Variants in TRAPPC9 observed in about 807,000 individuals in gnomAD.
The protein encoded by TRAPPC9 is IKK2 binding protein.
TRAPPC9 carries 83 observed loss-of-function variants against 124.0 expected under a neutral mutation model. The observed-to-expected ratio is 0.67, with a 90% CI of 0.56 to 0.80. The LOEUF (loss-of-function observed/expected upper bound fraction) is 0.80. TRAPPC9 is among the 30% of genes least tolerant of loss of function. The pLI is 0.00. For synonymous variants in TRAPPC9, 638 were observed against 617.5 expected (o/e 1.03, Z -0.49); for missense variants, 1,302 against 1,508.3 (o/e 0.86, Z 2.27).
chr8:139,772,367 C>T (rs1252033260), intron 21 of TRAPPC9, among the ~76,000 whole-genome samples: 1 of 152,142 alleles, frequency 6.6e-6, no homozygotes, highest in African/African-American at 2.4e-5. Context: ...AGAGTATTAT[C>T]CCATTTTACA....
At chr8:140,250,028 T>C (rs2064094354) in intron 16 of TRAPPC9, among the ~76,000 whole-genome samples, 1 of 152,222 alleles carries the variant, frequency 6.6e-6, no homozygotes, top group South Asian at 2.1e-4. Context: ...ATTATAGTAT[T>C]CAATTTCTTC....
intron 17 of TRAPPC9, among the ~76,000 whole-genome samples, chr8:140,159,807 T>C (rs2061713883): frequency 6.6e-6 from 1 of 152,218 alleles, no homozygotes; most frequent in Non-Finnish European, 1.5e-5. Flanking sequence ...ACAGATGAAC[T>C]GCAATGTTCC....
chr8:139,833,902 G>A (rs370628496), intron 21 of TRAPPC9, among the ~76,000 whole-genome samples: 1 of 152,214 alleles, frequency 6.6e-6, no homozygotes, highest in Non-Finnish European at 1.5e-5. Context: ...TGAAAGTCAG[G>A]AGGGATCAGA....
chr8:140,350,785 C>A (rs529207753), intron 9 of TRAPPC9, among the ~76,000 whole-genome samples: 1 of 151,918 alleles, frequency 6.6e-6, no homozygotes, highest in African/African-American at 2.4e-5. Flanking sequence ...CGGGAGCAGA[C>A]GAGAAAGTAA....
intron 17 of TRAPPC9, among the ~76,000 whole-genome samples, chr8:140,123,623 T>C (rs190754096): frequency 2.0e-5 from 3 of 152,364 alleles, no homozygotes; most frequent in Admixed American, 2.0e-4. Flanking sequence ...TATTCCATCA[T>C]GCCCCATGTA....
chr8:139,984,450 G>T lies in TRAPPC9; in HGVS notation c.2810+4276C>A, dbSNP rs1428219712. ...TTCTTTAGGTTTAGCACAGCCTGGGGGTGGGGGGCCGGGGGGTGGTGGCAG... is the reference window on the plus strand; with the variant it reads ...TTCTTTAGGTTTAGCACAGCCTGGGTGTGGGGGGCCGGGGGGTGGTGGCAG... On this transcript the variant is annotated intron_variant, in intron 19 of 22. Transcript: ENST00000438773. The surrounding 1 kb of genome is among the most constrained non-coding windows in gnomAD (Gnocchi z 4.3). Among the ~76,000 whole-genome samples, 8 of 152,206 alleles carry T rather than the reference G, an allele frequency of 5.3e-5. No homozygotes were observed. The highest frequency in any genetic ancestry group is 1.9e-4 in the African/African-American group (8 of 41,538).
chr8:140,051,851 T>A (rs887195389), intron 17 of TRAPPC9, among the ~76,000 whole-genome samples: 1 of 152,158 alleles, frequency 6.6e-6, no homozygotes, highest in East Asian at 1.9e-4. Flanking sequence ...AGTGATTCAG[T>A]AGTTTTCACT....
At chr8:140,122,324 C>G (rs1302061697) in intron 17 of TRAPPC9, among the ~76,000 whole-genome samples, 1 of 152,228 alleles carries the variant, frequency 6.6e-6, no homozygotes, top group African/African-American at 2.4e-5. Context: ...TCAGCCTTGT[C>G]AGACTCTAAG....
chr8:140,279,190 C>T (rs1388010783), intron 14 of TRAPPC9, among the ~76,000 whole-genome samples: 1 of 152,190 alleles, frequency 6.6e-6, no homozygotes, highest in Non-Finnish European at 1.5e-5. Flanking sequence ...TTTTATATTA[C>T]AGGGCCAGTT....
chr8:140,175,160 C>A (rs935422166), intron 17 of TRAPPC9, among the ~76,000 whole-genome samples: 1 of 151,978 alleles, frequency 6.6e-6, no homozygotes, highest in African/African-American at 2.4e-5. Context: ...AACAGACAAC[C>A]ACTTACCATG....
chr8:139,949,302 A>G (rs1040656061), intron 19 of TRAPPC9, among the ~76,000 whole-genome samples: 1 of 152,228 alleles, frequency 6.6e-6, no homozygotes, highest in East Asian at 1.9e-4. Flanking sequence ...ATAATTCTCA[A>G]GGAGAAAACA....
intron 17 of TRAPPC9, among the ~76,000 whole-genome samples, chr8:140,124,392 T>C (rs1357206442): frequency 6.6e-6 from 1 of 152,122 alleles, no homozygotes; most frequent in Non-Finnish European, 1.5e-5. Flanking sequence ...CCTACCTCCC[T>C]CTTGGAAGGA....
intron 17 of TRAPPC9, among the ~76,000 whole-genome samples, chr8:140,082,790 T>A (rs1272260560): frequency 6.6e-6 from 1 of 152,254 alleles, no homozygotes. Flanking sequence ...TGGCTGGAGG[T>A]CACAATTCTA....
At chr8:140,316,276 G>T (rs948538608) in intron 9 of TRAPPC9, among the ~76,000 whole-genome samples, 3 of 152,108 alleles carry the variant, frequency 2.0e-5, no homozygotes, top group Non-Finnish European at 4.4e-5. Context: ...TTAAAACGTT[G>T]CTGGTCCTTT....
intron 18 of TRAPPC9, among the ~76,000 whole-genome samples, chr8:139,990,304 C>T (rs1837543539): frequency 6.6e-6 from 1 of 152,154 alleles, no homozygotes; most frequent in Admixed American, 6.5e-5. Context: ...ATGCCCGAGG[C>T]CCTGGATGCA....
At chr8:140,401,411 G>A (rs1385612966) in intron 6 of TRAPPC9, among the ~76,000 whole-genome samples, 1 of 152,064 alleles carries the variant, frequency 6.6e-6, no homozygotes, top group Admixed American at 6.6e-5. Flanking sequence ...CAACAATGAA[G>A]TCAGAAATCT....
At chr8:139,951,253 T>C (rs1834628474) in intron 19 of TRAPPC9, among the ~76,000 whole-genome samples, 1 of 152,222 alleles carries the variant, frequency 6.6e-6, no homozygotes, top group Admixed American at 6.5e-5. Flanking sequence ...CTCTTCGAAG[T>C]GGTCACAGCT....
intron 19 of TRAPPC9, among the ~76,000 whole-genome samples, chr8:139,972,150 G>C (rs1395341688): frequency 2.6e-5 from 4 of 151,970 alleles, no homozygotes; most frequent in Admixed American, 2.6e-4. Flanking sequence ...TTAATTTTCA[G>C]TATAAAGAAC....
At chr8:139,761,958 AG>A in intron 21 of TRAPPC9, among the ~76,000 whole-genome samples, 1 of 151,774 alleles carries the variant, frequency 6.6e-6, no homozygotes, top group Non-Finnish European at 1.5e-5. Context: ...AGAGAGAAAC[AG>A]ATTGTTTCTT....
Sources: allele counts gnomAD v4.1 joint callset (sites outside exome capture counted in the v4.1 genomes callset), GRCh38; gene constraint gnomAD v4.1.1; non-coding constraint Gnocchi (gnomAD v3.1); transcripts MANE v1.5; gene names NCBI Gene and HGNC (gene_info 2026-07-23, HGNC 2026-07-21).